SEMA6C: variants seen among roughly 807,000 people sequenced by gnomAD.
SEMA6C encodes the protein semaphorin 6C.
In SEMA6C, 37 loss-of-function variants were observed where a neutral mutation model predicts 72.9. The observed-to-expected ratio is 0.51, with a 90% CI of 0.39 to 0.67. The LOEUF (loss-of-function observed/expected upper bound fraction) is 0.67. Ranked by LOEUF, SEMA6C falls within the 30% of genes least tolerant of loss-of-function variation. The pLI, the probability that SEMA6C is intolerant of heterozygous loss-of-function variation, is 0.00. For synonymous variants in SEMA6C, 578 were observed against 554.1 expected, an observed-to-expected ratio of 1.04 and a Z score of -0.61; for missense variants, 1,189 against 1,263.6, an observed-to-expected ratio of 0.94 and a Z score of 0.89.
chr1:151,136,210 C>T lies in SEMA6C; in HGVS notation c.1107-47G>A, dbSNP rs1558182313. The T allele has an allele frequency of 1.0e-5, 16 of 1,607,270 alleles. No individual in the cohort carries two copies. The East Asian group carries it at 3.6e-4, about 36-fold the overall frequency. ...GCTGCCTTTGGACTGGGAGCTGGAGCTTAGTTAACCTCTGTGCCCCCTACT... is the reference window on the plus strand; with the variant it reads ...GCTGCCTTTGGACTGGGAGCTGGAGTTTAGTTAACCTCTGTGCCCCCTACT... On this transcript the variant is annotated intron_variant, in intron 12 of 18. Transcript: ENST00000368914.
chr1:151,135,517 T>C, intron 14 of SEMA6C, 74 bp downstream of exon 14: 1 of 1,531,120 alleles, frequency 6.5e-7, no homozygotes. Flanking sequence ...GTTTCCAACC[T>C]ATTCCCGAAT....
chr1:151,134,110 A>G, intron 18 of SEMA6C: 1 of 1,292,516 alleles, frequency 7.7e-7, no homozygotes, highest in Non-Finnish European at 1.0e-6. Context: ...TACCCCTGAC[A>G]CCCTTCCAGG....
At chr1:151,139,568 C>T (rs1007921736) in intron 5 of SEMA6C, 70 bp downstream of exon 5, 2 of 1,603,966 alleles carry the variant, frequency 1.2e-6, no homozygotes, top group Non-Finnish European at 1.7e-6. Context: ...TCTTCCCACC[C>T]ACCTGACCCA....
Position 151,133,629 on chromosome 1 carries a change from T to G in SEMA6C, c.1760-112A>C. The G allele has an allele frequency of 7.0e-7, 1 of 1,424,362 alleles. No homozygotes were observed. The highest frequency in any genetic ancestry group is 9.2e-7 in the Non-Finnish European group (1 of 1,089,792). 88.2% of individuals were successfully genotyped at this position (1,424,362 alleles called of 1,614,324 possible). On this transcript the variant is annotated intron_variant, in intron 18 of 18. Coordinates refer to ENST00000368914, the MANE Select transcript of SEMA6C (RefSeq NM_030913.6). This position sits in a 1 kb window ranked among gnomAD's most constrained non-coding sequence, Gnocchi z 5.9. ...CTGACATCATCGTCCCTCCCGCTGC[T>G]ACTCAGCCTCACTCCTACAGCCTCC...
intron 10 of SEMA6C, among the ~76,000 whole-genome samples, chr1:151,137,403 G>A (rs587627844): frequency 2.2e-5 from 3 of 139,498 alleles, no homozygotes; most frequent in Non-Finnish European, 3.0e-5. Context: ...CCAAGATGGC[G>A]CCACTGCACT....
At position 151,132,411 on chromosome 1, in the gene SEMA6C, T is replaced by G; in HGVS notation, c.*73A>C. 1 of 1,523,630 alleles carries G rather than the reference T, an allele frequency of 6.6e-7. No homozygotes were observed. Among genetic ancestry groups the G allele is most frequent in the Non-Finnish European group, 8.8e-7 (1 of 1,132,768 alleles). 94.4% of individuals were successfully genotyped at this position (1,523,630 alleles called of 1,614,324 possible). A position where few individuals can be genotyped will look rare whatever the true frequency, so the allele number is the denominator to read the frequency against. On this transcript the variant is annotated 3_prime_UTR_variant, in exon 19 of 19. Transcript: ENST00000368914. ...TGCGGGGCGAGGGGGCGGTGAAACGTCCTGAAGAGCGTCCAGCTCGTGGCC... is the reference window on the plus strand; with the variant it reads ...TGCGGGGCGAGGGGGCGGTGAAACGGCCTGAAGAGCGTCCAGCTCGTGGCC...
In SEMA6C at chr1:151,132,220, A is replaced by T; in HGVS notation, c.*264T>A. 2 of 1,488,844 alleles carry T rather than the reference A, an allele frequency of 1.3e-6. No homozygotes were observed. Among genetic ancestry groups the T allele is most frequent in the Non-Finnish European group, 1.8e-6 (2 of 1,117,588 alleles). The allele number at this position is 1,488,844 out of a possible 1,614,324, so 92.2% of individuals were successfully genotyped here. A position where few individuals can be genotyped will look rare whatever the true frequency, so the allele number is the denominator to read the frequency against. ...AGTTAAGGCAGCTTGGCTGGAAGGG[A>T]GCGGGGAGTGGGAGTCCGCCAGCTC... On this transcript the variant is annotated 3_prime_UTR_variant, in exon 19 of 19. Transcript: ENST00000368914.
chr1:151,138,154 T>C, intron 8 of SEMA6C, 49 bp from the exon 9 acceptor site: 1 of 1,604,364 alleles, frequency 6.2e-7, no homozygotes, highest in Non-Finnish European at 8.5e-7. Context: ...GGGATCTGTA[T>C]CCTGCCTCTT....
At position 151,133,207 on chromosome 1, in the gene SEMA6C, C is replaced by T. The variant is rs1266220458; in HGVS notation, c.2070G>A (p.Val690=). Residue 690 remains valine (V), a synonymous_variant, in exon 19 of 19, where the codon GTG becomes GTA. Coordinates refer to ENST00000368914, the MANE Select transcript of SEMA6C (RefSeq NM_030913.6). The surrounding 1 kb of genome is among the most constrained non-coding windows in gnomAD (Gnocchi z 5.9). ...GCAGGCAGGCCAGCTCCGGCGGGGG[C>T]ACGCCCTCCGGAGGCGGCAGGAAGG... ...YTTFLPPPEG[V]PPPELACLPT... 3.2e-6 allele frequency: 5 copies of T among 1,573,358 alleles called. No homozygotes were observed. The highest frequency in any genetic ancestry group is 1.4e-5 in the African/African-American group (1 of 73,672).
intron 9 of SEMA6C, 44 bp from the exon 10 acceptor site, chr1:151,137,843 ACC>A: frequency 6.3e-7 from 1 of 1,593,246 alleles, no homozygotes; most frequent in Non-Finnish European, 8.6e-7. Context: ...GAGTATCTGT[ACC>A]TGCTCAGAAG....
rs1406798329 is a variant in SEMA6C at position 151,133,230 on chromosome 1, A to G, written c.2047T>C (p.Phe683Leu). The G allele has an allele frequency of 2.5e-6, 4 of 1,579,740 alleles. No homozygotes were observed. The highest frequency in any genetic ancestry group is 3.4e-6 in the Non-Finnish European group (4 of 1,169,180). The part of the protein sequence containing the change: ...AVQTPQLYTT[F>L]LPPPEGVPPP... ...GGCACGCCCTCCGGAGGCGGCAGGAAGGTGGTGTAGAGCTGCGGCGTCTGC... is the reference window on the plus strand; with the variant it reads ...GGCACGCCCTCCGGAGGCGGCAGGAGGGTGGTGTAGAGCTGCGGCGTCTGC... Residue 683 changes from phenylalanine (F) to leucine (L), a missense_variant, in exon 19 of 19, where the codon TTC becomes CTC. Physicochemically the swap from Phe to Leu is conservative, Grantham distance 22 (BLOSUM62 0). This residue lies in a region of SEMA6C where 721 missense variants were observed against 686.2 expected (regional missense o/e 1.05). Coordinates refer to ENST00000368914, the MANE Select transcript of SEMA6C (RefSeq NM_030913.6). This position sits in a 1 kb window ranked among gnomAD's most constrained non-coding sequence, Gnocchi z 5.9.
Position 151,133,916 on chromosome 1 carries a change from C to T in SEMA6C, c.1760-399G>A. 1 of 1,439,844 alleles carries T rather than the reference C, an allele frequency of 6.9e-7. No individual in the cohort carries two copies. Among genetic ancestry groups the T allele is most frequent in the Non-Finnish European group, 9.6e-7 (1 of 1,046,472 alleles). The allele number at this position is 1,439,844 out of a possible 1,614,324, so 89.2% of individuals were successfully genotyped here. ...GGGCTTAGAACGCTCCGAGAATCAG[C>T]AGCCCCACACTTCACTCCTATCTCT... On this transcript the variant is annotated intron_variant, in intron 18 of 18. Transcript: ENST00000368914. The surrounding 1 kb of genome is among the most constrained non-coding windows in gnomAD (Gnocchi z 5.9).
chr1:151,142,043 CTTTT>C (rs11321807), intron 3 of SEMA6C, among the ~76,000 whole-genome samples: 2 of 128,384 alleles, frequency 1.6e-5, no homozygotes, highest in Admixed American at 7.8e-5. Context: ...AGTCCATGTT[CTTTT>C]TTTTTTTTTT....
chr1:151,137,670 C>T (rs772534283), intron 10 of SEMA6C, 41 bp downstream of exon 10: 1 of 1,545,092 alleles, frequency 6.5e-7, no homozygotes, highest in Admixed American at 1.7e-5. Context: ...CAGGATCCAG[C>T]AGAACCCTCC....
At chr1:151,138,484 G>A (rs1002288325) in intron 7 of SEMA6C, 78 bp from the exon 8 acceptor site, 26 of 1,464,962 alleles carry the variant, frequency 1.8e-5, no homozygotes, top group East Asian at 7.1e-5. Context: ...CTCCTGTCCC[G>A]TTGCCTCCTC....
chr1:151,142,457 C>T (rs752548349), intron 3 of SEMA6C, 47 bp downstream of exon 3: 9 of 1,611,008 alleles, frequency 5.6e-6, no homozygotes, highest in Non-Finnish European at 7.6e-6. Flanking sequence ...GGGTCTCAGT[C>T]TCTAATTGTT....
rs778511882 is a variant in SEMA6C, at chr1:151,136,585, G to A, written c.975-6C>T. 6.8e-6 allele frequency: 11 copies of A among 1,613,714 alleles called. No homozygotes were observed. The East Asian group carries it at 1.8e-4, about 26-fold the overall frequency. On this transcript the variant is annotated splice_region_variant and splice_polypyrimidine_tract_variant and intron_variant, in intron 11 of 18. Transcript: ENST00000368914. ...AGACGGCAGAGCCAGGGATGCTGGA[G>A]GAGCCAGAAAAGATGCAGGATAGGT...
intron 13 of SEMA6C, 58 bp from the exon 14 acceptor site, chr1:151,135,822 G>C (rs1234690892): frequency 6.3e-7 from 1 of 1,586,602 alleles, no homozygotes; most frequent in Admixed American, 1.7e-5. Flanking sequence ...AGCATTTCAG[G>C]GAGAGCCCAA....
chr1:151,135,631 G>A lies in SEMA6C; in HGVS notation c.1393C>T (p.Pro465Ser), dbSNP rs587773245. 1.5e-5 allele frequency: 25 copies of A among 1,614,178 alleles called. No individual in the cohort carries two copies. The South Asian group carries it at 2.5e-4, about 16-fold the overall frequency. Residue 465 changes from proline to serine, a missense_variant, in exon 14 of 19, where the codon CCC (proline) becomes TCC (serine). Transcript: ENST00000368914. ...TPGGRSGGPE[P>S]ILLEEIDAYS... is the part of the protein sequence containing the mutation. ...GCATCAATCTCTTCCAGGAGGATGG[G>A]CTCAGGTCCCCCGGATCGCCCACCT... is the stretch of plus-strand genomic sequence containing the variant.
Sources: gnomAD v4.1 joint callset for allele counts (sites outside exome capture counted in the v4.1 genomes callset) on GRCh38, gnomAD v4.1.1 for gene constraint, gnomAD v4.1.1 regional missense constraint, Gnocchi (gnomAD v3.1) non-coding constraint, MANE v1.5 for transcripts, NCBI Gene and HGNC (gene_info 2026-07-23, HGNC 2026-07-21) for gene names.